The following KAZN variants were observed in gnomAD, a reference collection of about 807,000 sequenced individuals.
The protein encoded by KAZN is kazrin, periplakin interacting protein.
Under a neutral mutation model 87.4 loss-of-function variants are expected in KAZN, and 40 were observed. That is an observed-to-expected ratio of 0.46 (90% CI 0.36 to 0.60). The LOEUF (loss-of-function observed/expected upper bound fraction) is 0.60. Among genes scored for constraint, KAZN ranks in the 20% least tolerant of loss-of-function variants. KAZN has a pLI of 0.00. For missense variants in KAZN, 898 were observed against 1,073.9 expected (o/e 0.84, Z 2.29); for synonymous variants, 466 against 458.3 (o/e 1.02, Z -0.22).
At chr1:14,356,314 T>G (rs1659024939) in intron 2 of KAZN, among the ~76,000 whole-genome samples, 1 of 151,016 alleles carries the variant, frequency 6.6e-6, no homozygotes, top group Non-Finnish European at 1.5e-5. Context: ...CCTTGTAGAT[T>G]CTGGATATTA....
intron 13 of KAZN, among the ~76,000 whole-genome samples, chr1:15,110,360 ATG>A (rs1373971051): frequency 7.2e-6 from 1 of 138,088 alleles, no homozygotes; most frequent in African/African-American, 2.8e-5. Context: ...GTTTGTGTGT[ATG>A]TGTGTATATG....
At chr1:14,860,940 G>T (rs1397178002) in intron 1 of KAZN, among the ~76,000 whole-genome samples, 1 of 152,212 alleles carries the variant, frequency 6.6e-6, no homozygotes, top group Non-Finnish European at 1.5e-5. Flanking sequence ...AGATTCGAGT[G>T]GCTAAGCGTT....
At chr1:14,485,892 C>CAAAAAAA (rs1038275850) in intron 2 of KAZN, among the ~76,000 whole-genome samples, 4 of 85,540 alleles carry the variant, frequency 4.7e-5, no homozygotes, top group Non-Finnish European at 5.0e-5. Flanking sequence ...GACTCCATCT[C>CAAAAAAA]AAAAAAAAAA....
At chr1:14,454,045 C>A (rs1166712621) in intron 2 of KAZN, among the ~76,000 whole-genome samples, 4 of 152,184 alleles carry the variant, frequency 2.6e-5, no homozygotes, top group Non-Finnish European at 5.9e-5. Context: ...AGGCAATGAG[C>A]CTTTTCTTTC....
intron 1 of KAZN, among the ~76,000 whole-genome samples, chr1:14,884,925 G>A (rs1470000240): frequency 6.6e-6 from 1 of 152,252 alleles, no homozygotes; most frequent in Non-Finnish European, 1.5e-5. Flanking sequence ...AACAGGCGGG[G>A]AGCAGAGGGG....
intron 2 of KAZN, among the ~76,000 whole-genome samples, chr1:14,404,414 C>T (rs575390255): frequency 2.6e-5 from 4 of 152,264 alleles, no homozygotes; most frequent in Non-Finnish European, 5.9e-5. Context: ...AATTCCACTG[C>T]GGACTCTGTT....
At position 14,045,173 on chromosome 1, in the gene KAZN, TC is replaced by T. The variant is rs1398349954; in HGVS notation, c.92-135260del. On this transcript the variant is annotated intron_variant, in intron 1 of 16. Coordinates refer to the KAZN transcript ENST00000636203. ...GAGATGAACTGCCCAGAAGAGCCCT[TC>T]CTGAATTCCAGACTCACAAAATCAG... Among the ~76,000 whole-genome samples the T allele has an allele frequency of 4.6e-5, 7 of 152,296 alleles. No homozygotes were observed. In the East Asian group the frequency reaches 1.4e-3, roughly 29 times the overall value.
At position 14,936,117 on chromosome 1, in the gene KAZN, C is replaced by CG. The variant is rs1458150402; in HGVS notation, c.227-24564dup. The stretch of plus-strand genomic sequence containing the variant: ...GTGTGTGGAAAGGCAGGGGAGGTGA[C>CG]GGGCAGAACATCAACCCTGGCTTTG... On this transcript the variant is annotated intron_variant, in intron 1 of 14. Transcript: ENST00000376030. Among the ~76,000 whole-genome samples, 13 of 152,348 alleles carry CG rather than the reference C, an allele frequency of 8.5e-5. No individual in the cohort carries two copies. The East Asian group carries it at 2.5e-3, about 29-fold the overall frequency.
chr1:15,045,396 A>G (rs1205952240), intron 4 of KAZN, among the ~76,000 whole-genome samples: 1 of 152,182 alleles, frequency 6.6e-6, no homozygotes, highest in African/African-American at 2.4e-5. Flanking sequence ...CCATCAACTC[A>G]AAACAGAGAT....
At chr1:14,636,364 T>C (rs1679984414) in intron 1 of KAZN, among the ~76,000 whole-genome samples, 1 of 152,200 alleles carries the variant, frequency 6.6e-6, no homozygotes, top group South Asian at 2.1e-4. Context: ...CTGTGACCTC[T>C]AGATGGAGAG....
intron 2 of KAZN, among the ~76,000 whole-genome samples, chr1:14,583,807 A>G (rs545796348): frequency 1.1e-4 from 16 of 152,272 alleles, no homozygotes; most frequent in African/African-American, 3.8e-4. Context: ...CCTCATCACC[A>G]TCTTGAAACA....
chr1:13,955,779 ACTAT>A (rs1641521314), intron 1 of KAZN, among the ~76,000 whole-genome samples: 1 of 152,226 alleles, frequency 6.6e-6, no homozygotes. Flanking sequence ...GTACATTCCT[ACTAT>A]GTGAACATGA....
rs147727179 is a variant in KAZN, at chr1:14,085,543, C to T, written c.92-94892C>T. Among the ~76,000 whole-genome samples, 990 of 152,270 alleles carry T rather than the reference C, an allele frequency of 6.5e-3. 10 individuals carry two copies. The South Asian group carries it at 0.066, about 10-fold the overall frequency. ...TCAGCATGGAAACTTTTGTGTCTAC[C>T]TCCTTACACTTAGCATATTGCTTTT... On this transcript the variant is annotated intron_variant, in intron 1 of 16. Transcript: ENST00000636203.
intron 1 of KAZN, among the ~76,000 whole-genome samples, chr1:13,904,004 C>T (rs796903275): frequency 5.4e-4 from 82 of 152,188 alleles, no homozygotes; most frequent in African/African-American, 1.8e-3. Flanking sequence ...TGAACCACTC[C>T]GCACAGAGAC....
chr1:14,431,831 C>T (rs1666088782), intron 2 of KAZN, among the ~76,000 whole-genome samples: 1 of 152,172 alleles, frequency 6.6e-6, no homozygotes, highest in Admixed American at 6.5e-5. Flanking sequence ...GCACTGTTGT[C>T]TTCCCTGGTT....
intron 1 of KAZN, among the ~76,000 whole-genome samples, chr1:14,624,441 A>C (rs1416230682): frequency 6.9e-6 from 1 of 145,054 alleles, no homozygotes; most frequent in Non-Finnish European, 1.5e-5. Context: ...AAAAAACAAC[A>C]AAAAAAACCA....
At chr1:14,378,038 T>C (rs907826647) in intron 2 of KAZN, among the ~76,000 whole-genome samples, 10 of 151,800 alleles carry the variant, frequency 6.6e-5, no homozygotes, top group African/African-American at 2.4e-4. Flanking sequence ...TTTAAATGTA[T>C]TTTTTTTCAT....
intron 4 of KAZN, among the ~76,000 whole-genome samples, chr1:15,047,371 G>A (rs1573175360): frequency 6.6e-6 from 1 of 152,310 alleles, no homozygotes; most frequent in African/African-American, 2.4e-5. Flanking sequence ...GCAACAGAAA[G>A]CAGCTCTGCT....
rs1434612579 is a variant in KAZN, at chr1:14,659,999, T to G, written c.226+60776T>G. Among the ~76,000 whole-genome samples, 4 of 152,168 alleles carry G rather than the reference T, an allele frequency of 2.6e-5. No homozygotes were observed. The South Asian group carries it at 8.3e-4, about 32-fold the overall frequency. On this transcript the variant is annotated intron_variant, in intron 1 of 14. Transcript: ENST00000376030. ...CTGAAGGGATGAAAGGGCATCATAA[T>G]TTTGTTTTCAAATGTGTTTAAGAAC...
Sources: allele counts gnomAD v4.1 joint callset (sites outside exome capture counted in the v4.1 genomes callset), GRCh38; gene constraint gnomAD v4.1.1; transcripts MANE v1.5; gene names NCBI Gene and HGNC (gene_info 2026-07-23, HGNC 2026-07-21).